Variants in LOXL2 observed in about 807,000 individuals in gnomAD.
LOXL2 encodes the protein lysyl oxidase homolog 2.
In LOXL2, 70 loss-of-function variants were observed where a neutral mutation model predicts 93.0. That is an observed-to-expected ratio of 0.75 (90% CI 0.62 to 0.92). The LOEUF (loss-of-function observed/expected upper bound fraction) is 0.92. Among genes scored for constraint, LOXL2 ranks in the 40% least tolerant of loss-of-function variants. LOXL2 has a pLI of 0.00. For synonymous variants in LOXL2, 438 were observed against 413.2 expected (o/e 1.06, Z -0.73); for missense variants, 973 against 1,054.9 (o/e 0.92, Z 1.08).
chr8:23,308,720 G>A (rs149433507), intron 10 of LOXL2, among the ~76,000 whole-genome samples: 125 of 152,308 alleles, frequency 8.2e-4, no homozygotes, highest in African/African-American at 2.6e-3. Context: ...AGCCAGGTCT[G>A]GCTGTAGGAT....
intron 9 of LOXL2, among the ~76,000 whole-genome samples, chr8:23,315,797 G>A (rs1480376157): frequency 6.6e-6 from 1 of 152,110 alleles, no homozygotes; most frequent in South Asian, 2.1e-4. Flanking sequence ...GCCAGCACCT[G>A]TCTATCTTTC....
At chr8:23,312,040 G>C (rs1803326087) in intron 9 of LOXL2, among the ~76,000 whole-genome samples, 1 of 152,140 alleles carries the variant, frequency 6.6e-6, no homozygotes, top group East Asian at 1.9e-4. Flanking sequence ...AAATAAACTA[G>C]AAATCTAGAA....
At chr8:23,309,388 C>T (rs1046501633) in intron 10 of LOXL2, among the ~76,000 whole-genome samples, 2 of 152,148 alleles carry the variant, frequency 1.3e-5, no homozygotes, top group African/African-American at 2.4e-5. Flanking sequence ...TGAAGGTCAA[C>T]GAGGAGGGTA....
At chr8:23,381,529 T>C (rs1804680801) in intron 1 of LOXL2, among the ~76,000 whole-genome samples, 1 of 152,232 alleles carries the variant, frequency 6.6e-6, no homozygotes, top group Admixed American at 6.5e-5. Context: ...AAAAAGGGTA[T>C]TTTGTTTTAA....
intron 12 of LOXL2, among the ~76,000 whole-genome samples, chr8:23,299,434 C>A (rs1264410722): frequency 6.6e-6 from 1 of 152,130 alleles, no homozygotes; most frequent in Admixed American, 6.5e-5. Flanking sequence ...ACAGGTGGGA[C>A]TTGGGGATCC....
intron 1 of LOXL2, among the ~76,000 whole-genome samples, chr8:23,395,317 CAA>C (rs111889384): frequency 9.6e-4 from 79 of 82,028 alleles, no homozygotes; most frequent in Admixed American, 1.2e-3. Flanking sequence ...AAAGCCAGAC[CAA>C]AAAAAAAAAA....
Position 23,303,391 on chromosome 8 carries a change from G to C in LOXL2, c.1887C>G (p.Tyr629Ter). The change falls in exon 11 of 14, where the codon TAC becomes TAG. Residue 629 changes from tyrosine (Y) to a stop codon, truncating the protein, a stop_gained. Transcript: ENST00000389131. LOFTEE classifies it high-confidence loss of function. ...AWIWHDCHRHYHSMEVFTHYD... is the reference protein window; with the variant it reads ...AWIWHDCHRH Reference sequence around the variant, plus strand: ...AGTGGGTGAACACCTCCATGCTGTGGTAGTGCCTGGAGCGAGAGAGAGATG... The same window carrying C: ...AGTGGGTGAACACCTCCATGCTGTGCTAGTGCCTGGAGCGAGAGAGAGATG... The C allele has an allele frequency of 6.3e-7, 1 of 1,593,356 alleles. No individual in the cohort carries two copies. The highest frequency in any genetic ancestry group is 8.6e-7 in the Non-Finnish European group (1 of 1,161,450).
At chr8:23,345,653 G>A (rs1314635787) in intron 3 of LOXL2, among the ~76,000 whole-genome samples, 1 of 145,056 alleles carries the variant, frequency 6.9e-6, no homozygotes, top group Non-Finnish European at 1.5e-5. Flanking sequence ...AACCACAAGT[G>A]TTAGGATACA....
At chr8:23,397,594 C>G (rs987286471) in intron 1 of LOXL2, among the ~76,000 whole-genome samples, 3 of 151,852 alleles carry the variant, frequency 2.0e-5, no homozygotes, top group Non-Finnish European at 4.4e-5. Context: ...CTGGCTAACA[C>G]GGTGAAACCC....
intron 1 of LOXL2, among the ~76,000 whole-genome samples, chr8:23,390,179 A>G (rs1177626176): frequency 6.6e-6 from 1 of 152,176 alleles, no homozygotes; most frequent in Non-Finnish European, 1.5e-5. Context: ...CATGGCCCAG[A>G]GCACACTGTG....
intron 3 of LOXL2, among the ~76,000 whole-genome samples, chr8:23,346,555 A>G (rs1803990342): frequency 6.6e-6 from 1 of 152,224 alleles, no homozygotes; most frequent in African/African-American, 2.4e-5. Flanking sequence ...GACATTTCAT[A>G]TTTGCAGCAT....
At chr8:23,318,458 CACAA>C (rs758736803) in intron 8 of LOXL2, among the ~76,000 whole-genome samples, 5,945 of 111,712 alleles carry the variant, frequency 0.053, 247 homozygotes, top group African/African-American at 0.13. Flanking sequence ...CACACACACA[CACAA>C]AAATACACAT....
intron 4 of LOXL2, among the ~76,000 whole-genome samples, chr8:23,339,165 A>T (rs1803841298): frequency 6.6e-6 from 1 of 152,154 alleles, no homozygotes; most frequent in South Asian, 2.1e-4. Context: ...ACTGAGTCCC[A>T]GAGACGAACA....
intron 1 of LOXL2, among the ~76,000 whole-genome samples, chr8:23,374,639 A>G (rs1239853067): frequency 6.6e-6 from 1 of 152,190 alleles, no homozygotes; most frequent in Non-Finnish European, 1.5e-5. Context: ...AATGATTGCC[A>G]TTCTAACTGG....
intron 2 of LOXL2, chr8:23,365,994 C>G (rs888782527): frequency 6.6e-6 from 1 of 152,244 alleles, no homozygotes; most frequent in Non-Finnish European, 1.5e-5. Flanking sequence ...ATGGCAAAGT[C>G]CCACCTGGGT....
At chr8:23,366,771 G>A (rs577416496) in intron 2 of LOXL2, among the ~76,000 whole-genome samples, 10 of 152,306 alleles carry the variant, frequency 6.6e-5, no homozygotes, top group African/African-American at 2.4e-4. Context: ...AGCTTCCTTT[G>A]CCTGGCTGAC....
intron 4 of LOXL2, among the ~76,000 whole-genome samples, 175 bp downstream of exon 4, chr8:23,340,817 A>G (rs4301460): frequency 0.39 from 59,484 of 151,968 alleles, 13,270 homozygotes; most frequent in African/African-American, 0.62. Flanking sequence ...GCCACGGGGC[A>G]CCCTTGAACT....
At chr8:23,373,342 C>G (rs1365658910) in intron 1 of LOXL2, among the ~76,000 whole-genome samples, 1 of 152,034 alleles carries the variant, frequency 6.6e-6, no homozygotes, top group African/African-American at 2.4e-5. Flanking sequence ...AGGTTTTCCT[C>G]TTCTACACTG....
Position 23,346,090 on chromosome 8 carries a change from A to ATTAAATTAAATTAAAT in LOXL2, c.532-4888_532-4887insATTTAATTTAATTTAA, listed in dbSNP as rs1230448516. ...CTCAAAAATAAAATAAAATAATAAA[A>ATTAAATTAAATTAAAT]TAAAATAAAATAAAATAAAATAAAA... is the stretch of plus-strand genomic sequence containing the variant. On this transcript the variant is annotated intron_variant, in intron 3 of 13. Transcript: ENST00000389131. 3.8e-4 allele frequency among the ~76,000 whole-genome samples: 34 copies of ATTAAATTAAATTAAAT among 90,552 alleles called. No homozygotes were observed. In the South Asian group the frequency reaches 0.01, roughly 27 times the overall value. 59.4% of individuals were successfully genotyped at this position (90,552 alleles called of 152,430 possible).
Sources: gnomAD v4.1 joint callset for allele counts (sites outside exome capture counted in the v4.1 genomes callset) on GRCh38, gnomAD v4.1.1 for gene constraint, MANE v1.5 for transcripts, NCBI Gene and HGNC (gene_info 2026-07-23, HGNC 2026-07-21) for gene names.